IRAK2: variants seen among roughly 807,000 people sequenced by gnomAD.
IRAK2 encodes interleukin 1 receptor associated kinase 2.
IRAK2 carries 57 observed loss-of-function variants against 72.0 expected under a neutral mutation model. That is an observed-to-expected ratio of 0.79 (90% CI 0.64 to 0.99). The LOEUF (loss-of-function observed/expected upper bound fraction) is 0.99, where lower values mean the gene tolerates loss of function less well. Ranked by LOEUF, IRAK2 falls within the 50% of genes least tolerant of loss-of-function variation. The pLI, the probability that IRAK2 is intolerant of heterozygous loss-of-function variation, is 0.00. For missense variants in IRAK2, 790 were observed against 794.4 expected, an observed-to-expected ratio of 0.99 and a Z score of 0.07; for synonymous variants, 293 against 312.7, an observed-to-expected ratio of 0.94 and a Z score of 0.67.
At chr3:10,176,526 G>A (rs1696877270) in intron 1 of IRAK2, among the ~76,000 whole-genome samples, 1 of 152,036 alleles carries the variant, frequency 6.6e-6, no homozygotes, top group South Asian at 2.1e-4. Flanking sequence ...CTCCCAGGCT[G>A]GAGTGCAGTG....
At chr3:10,221,421 C>T (rs949856987) in intron 8 of IRAK2, among the ~76,000 whole-genome samples, 25 of 150,272 alleles carry the variant, frequency 1.7e-4, no homozygotes, top group Admixed American at 1.3e-3. Flanking sequence ...GCCCGGCTAA[C>T]TTTTTGTATT....
intron 4 of IRAK2, among the ~76,000 whole-genome samples, chr3:10,210,708 G>T (rs956611276): frequency 2.0e-5 from 3 of 152,098 alleles, no homozygotes; most frequent in African/African-American, 4.8e-5. Context: ...GCAACACAGG[G>T]AGGCCCCATC....
At chr3:10,238,416 T>C (rs1323149331) in intron 11 of IRAK2, among the ~76,000 whole-genome samples, 1 of 152,152 alleles carries the variant, frequency 6.6e-6, no homozygotes, top group African/African-American at 2.4e-5. Context: ...GCTGGAGGTC[T>C]TTCCCCAATA....
At chr3:10,240,147 C>A (rs988241831) in intron 12 of IRAK2, among the ~76,000 whole-genome samples, 106 of 132,632 alleles carry the variant, frequency 8.0e-4, no homozygotes, top group African/African-American at 9.7e-4. Flanking sequence ...GACTCCGTCT[C>A]AAAAAAAAAA....
chr3:10,224,162 C>A (rs1436979711), intron 9 of IRAK2, among the ~76,000 whole-genome samples: 1 of 152,096 alleles, frequency 6.6e-6, no homozygotes, highest in Non-Finnish European at 1.5e-5. Context: ...CATGGTGAAA[C>A]CCCGGCTCTA....
At chr3:10,223,698 A>G (rs1394930063) in intron 9 of IRAK2, among the ~76,000 whole-genome samples, 1 of 152,230 alleles carries the variant, frequency 6.6e-6, no homozygotes, top group African/African-American at 2.4e-5. Context: ...TTGTGTTCTC[A>G]GAATATCTGT....
intron 1 of IRAK2, among the ~76,000 whole-genome samples, chr3:10,165,831 C>T (rs1169264769): frequency 6.7e-6 from 1 of 150,178 alleles, no homozygotes; most frequent in African/African-American, 2.5e-5. Context: ...CCCGGGTTCA[C>T]GCCATTCTCC....
Position 10,218,440 on chromosome 3 carries a change from A to AC in IRAK2, c.904-1240_904-1239insC, listed in dbSNP as rs1559450027. Among the ~76,000 whole-genome samples, 97 of 135,828 alleles carry AC rather than the reference A, an allele frequency of 7.1e-4. 2 individuals are homozygous for AC. Among genetic ancestry groups the AC allele is most frequent in the Admixed American group, 3.5e-3 (45 of 12,762 alleles). 89.1% of individuals were successfully genotyped at this position (135,828 alleles called of 152,430 possible). A position where few individuals can be genotyped will look rare whatever the true frequency, so the allele number is the denominator to read the frequency against. On this transcript the variant is annotated intron_variant, in intron 7 of 12. Coordinates refer to ENST00000256458, the MANE Select transcript of IRAK2 (RefSeq NM_001570.4). ...CTCCGTCTCAAAAAAAAAAAAAAAAAAAAAACCAAAACGGTGATGATTTAG... is the reference window on the plus strand; with the variant it reads ...CTCCGTCTCAAAAAAAAAAAAAAAAACAAAAACCAAAACGGTGATGATTTAG...
intron 11 of IRAK2, among the ~76,000 whole-genome samples, chr3:10,236,547 T>C (rs1251608455): frequency 6.6e-6 from 1 of 151,888 alleles, no homozygotes; most frequent in Non-Finnish European, 1.5e-5. Flanking sequence ...GGGGTTTCAC[T>C]ATGTTGGCCA....
intron 1 of IRAK2, among the ~76,000 whole-genome samples, chr3:10,176,725 C>T (rs1340317358): frequency 6.6e-6 from 1 of 151,880 alleles, no homozygotes; most frequent in Non-Finnish European, 1.5e-5. Context: ...GATCTGCCCG[C>T]CTTGGCCTTC....
At chr3:10,209,174 G>A (rs186071497) in intron 3 of IRAK2, among the ~76,000 whole-genome samples, 60 of 152,262 alleles carry the variant, frequency 3.9e-4, no homozygotes, top group African/African-American at 1.4e-3. Context: ...CCCTGCCCTG[G>A]TGGAGGTTTC....
In IRAK2 at chr3:10,213,338, C is replaced by G. The variant is rs371683960; in HGVS notation, c.660C>G (p.Thr220=). The G allele has an allele frequency of 3.1e-6, 5 of 1,614,056 alleles. No individual in the cohort carries two copies. The South Asian group carries it at 3.3e-5, about 11-fold the overall frequency. The change falls in exon 5 of 13, where the codon ACC becomes ACG. Residue 220 remains threonine, a synonymous_variant. Coordinates refer to ENST00000256458, the MANE Select transcript of IRAK2 (RefSeq NM_001570.4). ...FNQNRKISQG[T]FADVYRGHRH... ...AAAACCGCAAAATCAGCCAGGGGAC[C>G]TTTGCTGACGTCTACAGAGGGCACA... is the stretch of plus-strand genomic sequence containing the variant.
chr3:10,183,708 A>C (rs980827674), intron 2 of IRAK2, among the ~76,000 whole-genome samples: 1 of 148,698 alleles, frequency 6.7e-6, no homozygotes, highest in Non-Finnish European at 1.5e-5. Flanking sequence ...CGGCAGAGCG[A>C]GACTCCGTCT....
intron 10 of IRAK2, among the ~76,000 whole-genome samples, chr3:10,233,758 A>T (rs990856105): frequency 2.6e-5 from 4 of 152,208 alleles, no homozygotes; most frequent in Non-Finnish European, 5.9e-5. Flanking sequence ...AGTTATTATC[A>T]CTAAAAGACT....
intron 10 of IRAK2, among the ~76,000 whole-genome samples, chr3:10,234,203 C>T (rs918553628): frequency 6.6e-6 from 1 of 152,116 alleles, no homozygotes; most frequent in Admixed American, 6.6e-5. Flanking sequence ...CCTGATGAAC[C>T]AACCGAGGCC....
intron 3 of IRAK2, among the ~76,000 whole-genome samples, chr3:10,201,111 T>C (rs567309079): frequency 1.3e-5 from 2 of 152,334 alleles, no homozygotes; most frequent in African/African-American, 4.8e-5. Context: ...AATAGCTCGG[T>C]AATTGGAGGC....
At chr3:10,241,995 A>AAT (rs1698068003) in intron 12 of IRAK2, 121 bp from the exon 13 acceptor site, 1 of 510,424 alleles carries the variant, frequency 2.0e-6, no homozygotes, top group Non-Finnish European at 3.4e-6. Flanking sequence ...AGAAAAAAAA[A>AAT]AAAAGAAATG....
intron 10 of IRAK2, among the ~76,000 whole-genome samples, chr3:10,233,950 C>G (rs1254794042): frequency 7.2e-5 from 11 of 152,100 alleles, no homozygotes; most frequent in Admixed American, 4.6e-4. Flanking sequence ...CCACCTCCCC[C>G]ACCATAGGTT....
At chr3:10,182,244 C>T (rs1378291607) in intron 2 of IRAK2, among the ~76,000 whole-genome samples, 1 of 151,378 alleles carries the variant, frequency 6.6e-6, no homozygotes, top group Non-Finnish European at 1.5e-5. Context: ...GCTGGGATTA[C>T]AGGTGTGAGC....
Sources: allele counts gnomAD v4.1 joint callset (sites outside exome capture counted in the v4.1 genomes callset), GRCh38; gene constraint gnomAD v4.1.1; transcripts MANE v1.5; gene names NCBI Gene and HGNC (gene_info 2026-07-23, HGNC 2026-07-21).